OSBPL3: variants seen among roughly 807,000 people sequenced by gnomAD.
The protein encoded by OSBPL3 is oxysterol binding protein like 3, also known as oxysterol-binding protein-related protein 3.
In OSBPL3, 65 loss-of-function variants were observed where a neutral mutation model predicts 120.1. That is an observed-to-expected ratio of 0.54 (90% CI 0.44 to 0.67). The LOEUF (loss-of-function observed/expected upper bound fraction) is 0.67, where lower values mean the gene tolerates loss of function less well. OSBPL3 is among the 30% of genes least tolerant of loss of function. The pLI, the probability that OSBPL3 is intolerant of heterozygous loss-of-function variation, is 0.00. For missense variants in OSBPL3, 1,004 were observed against 1,082.1 expected (o/e 0.93, Z 1.01); for synonymous variants, 416 against 402.6 (o/e 1.03, Z -0.40).
chr7:24,973,737 G>T (rs991490861), intron 1 of OSBPL3, among the ~76,000 whole-genome samples: 1 of 152,152 alleles, frequency 6.6e-6, no homozygotes, highest in Non-Finnish European at 1.5e-5. Context: ...ACAAGCTTCT[G>T]CAAAGAAGCA....
intron 14 of OSBPL3, among the ~76,000 whole-genome samples, chr7:24,839,492 G>A (rs768246297): frequency 3.9e-5 from 6 of 152,094 alleles, no homozygotes; most frequent in Non-Finnish European, 8.8e-5. Context: ...GTCATCTTAG[G>A]ATACCCTGAT....
rs1312989493 is a variant in OSBPL3 at position 24,916,490 on chromosome 7, G to A, written c.-149-23869C>T. 6.6e-6 allele frequency among the ~76,000 whole-genome samples: 1 copy of A among 151,908 alleles called. No homozygotes were observed. The highest frequency in any genetic ancestry group is 1.5e-5 in the Non-Finnish European group (1 of 67,992). On this transcript the variant is annotated intron_variant, in intron 1 of 22. Transcript: ENST00000313367. The surrounding 1 kb of genome is among the most constrained non-coding windows in gnomAD (Gnocchi z 4.9). The stretch of plus-strand genomic sequence containing the variant: ...ACATCAGTGAAGTAAAAATAAAACA[G>A]CAATTACCTTTCTGGCTTGCATGGT...
intron 1 of OSBPL3, among the ~76,000 whole-genome samples, chr7:24,907,037 C>G (rs1049429968): frequency 6.6e-6 from 1 of 152,132 alleles, no homozygotes; most frequent in East Asian, 1.9e-4. Flanking sequence ...ATTAATCCAA[C>G]CAAACTCCCT....
intron 1 of OSBPL3, among the ~76,000 whole-genome samples, chr7:24,976,132 T>G (rs571548569): frequency 6.6e-6 from 1 of 152,292 alleles, no homozygotes; most frequent in South Asian, 2.1e-4. Flanking sequence ...GTTGTGAACT[T>G]AACTTTTCCT....
Position 24,894,449 on chromosome 7 carries a change from T to G in OSBPL3, c.-149-1828A>C, listed in dbSNP as rs1304112267. On this transcript the variant is annotated intron_variant, in intron 1 of 22. Coordinates refer to ENST00000313367, the MANE Select transcript of OSBPL3 (RefSeq NM_015550.4). The surrounding 1 kb of genome is among the most constrained non-coding windows in gnomAD (Gnocchi z 4.1). ...TCTAAAAAGTAGCAAGAGAGTACTGTAAAGATATATTAATAGTTTGTGGAA... is the reference window on the plus strand; with the variant it reads ...TCTAAAAAGTAGCAAGAGAGTACTGGAAAGATATATTAATAGTTTGTGGAA... 6.6e-6 allele frequency among the ~76,000 whole-genome samples: 1 copy of G among 152,020 alleles called. No homozygotes were observed. The highest frequency in any genetic ancestry group is 2.4e-5 in the African/African-American group (1 of 41,376).
At chr7:24,866,846 G>C (rs537411735) in intron 5 of OSBPL3, among the ~76,000 whole-genome samples, 1 of 152,330 alleles carries the variant, frequency 6.6e-6, no homozygotes, top group South Asian at 2.1e-4. Flanking sequence ...TTGTTGCCCA[G>C]GCTGCAGTGC....
At chr7:24,841,363 G>A in intron 13 of OSBPL3, among the ~76,000 whole-genome samples, 1 of 151,350 alleles carries the variant, frequency 6.6e-6, no homozygotes, top group East Asian at 1.9e-4. Context: ...AAAATATACG[G>A]GATGCTAATT....
rs1255401732 is a variant in OSBPL3, at chr7:24,798,362, T to C, written c.*1821A>G. 1 of 152,198 alleles carries C rather than the reference T, an allele frequency of 6.6e-6. No individual in the cohort carries two copies. The highest frequency in any genetic ancestry group is 1.9e-4 in the East Asian group (1 of 5,200). 9.4% of individuals were successfully genotyped at this position (152,198 alleles called of 1,614,324 possible). A position where few individuals can be genotyped will look rare whatever the true frequency, so the allele number is the denominator to read the frequency against. The stretch of plus-strand genomic sequence containing the variant: ...TTATCCTCACACTGTGGAAACTACA[T>C]TTGTTTTCCCCTTGAGTGCCCTTAA... On this transcript the variant is annotated 3_prime_UTR_variant, in exon 23 of 23. Coordinates refer to ENST00000313367, the MANE Select transcript of OSBPL3 (RefSeq NM_015550.4). This position sits in a 1 kb window ranked among gnomAD's most constrained non-coding sequence, Gnocchi z 4.6.
intron 10 of OSBPL3, among the ~76,000 whole-genome samples, chr7:24,858,476 T>C (rs545188650): frequency 6.6e-6 from 1 of 152,306 alleles, no homozygotes; most frequent in African/African-American, 2.4e-5. Flanking sequence ...GGCCCCCAAA[T>C]TACAATCTGT....
rs1225932221 is a variant in OSBPL3, at chr7:24,922,011, G to A, written c.-149-29390C>T. On this transcript the variant is annotated intron_variant, in intron 1 of 22. Coordinates refer to ENST00000313367, the MANE Select transcript of OSBPL3 (RefSeq NM_015550.4). The surrounding 1 kb of genome is among the most constrained non-coding windows in gnomAD (Gnocchi z 4.3). ...ATTTTTCACCACCTTTATGTCTCACGTCCAGCCAAGAGGCTGGTACACAGC... is the reference window on the plus strand; with the variant it reads ...ATTTTTCACCACCTTTATGTCTCACATCCAGCCAAGAGGCTGGTACACAGC... 2.6e-5 allele frequency among the ~76,000 whole-genome samples: 4 copies of A among 152,104 alleles called. No individual in the cohort carries two copies. Among genetic ancestry groups the A allele is most frequent in the Admixed American group, 6.6e-5 (1 of 15,260 alleles).
chr7:24,895,566 G>C (rs555990698), intron 1 of OSBPL3, among the ~76,000 whole-genome samples: 47 of 152,328 alleles, frequency 3.1e-4, no homozygotes, highest in African/African-American at 1.1e-3. Context: ...GGCAGCTGTA[G>C]CCCAAGACTA....
At chr7:24,927,963 C>T (rs1444163689) in intron 1 of OSBPL3, among the ~76,000 whole-genome samples, 2 of 152,074 alleles carry the variant, frequency 1.3e-5, no homozygotes, top group South Asian at 2.1e-4. Flanking sequence ...GTGATTGGAT[C>T]ATGGAGATAA....
rs148004132 is a variant in OSBPL3 at position 24,908,558 on chromosome 7, C to T, written c.-149-15937G>A. Among the ~76,000 whole-genome samples the T allele has an allele frequency of 3.3e-5, 5 of 152,340 alleles. No homozygotes were observed. In the East Asian group the frequency reaches 7.7e-4, roughly 24 times the overall value. On this transcript the variant is annotated intron_variant, in intron 1 of 22. Coordinates refer to ENST00000313367, the MANE Select transcript of OSBPL3 (RefSeq NM_015550.4). ...CCAAGACTGCTTCTTTACAGTAAAACATCCCCTTCTAAAATCATATTCTAG... is the reference window on the plus strand; with the variant it reads ...CCAAGACTGCTTCTTTACAGTAAAATATCCCCTTCTAAAATCATATTCTAG...
Position 24,863,603 on chromosome 7 carries a change from T to G in OSBPL3, c.674-4A>C, listed in dbSNP as rs1394054205. ...TAGGCATGACAGTGCGCCAGGTCTG[T>G]GGGGGAAAAGAGGACAGTGCTCACA... is the stretch of plus-strand genomic sequence containing the variant. On this transcript the variant is annotated splice_region_variant and splice_polypyrimidine_tract_variant and intron_variant, in intron 7 of 22. Coordinates refer to ENST00000313367, the MANE Select transcript of OSBPL3 (RefSeq NM_015550.4). The surrounding 1 kb of genome is among the most constrained non-coding windows in gnomAD (Gnocchi z 5.8). 1.9e-6 allele frequency: 3 copies of G among 1,604,112 alleles called. No individual in the cohort carries two copies. Among genetic ancestry groups the G allele is most frequent in the Non-Finnish European group, 2.6e-6 (3 of 1,170,954 alleles).
intron 5 of OSBPL3, among the ~76,000 whole-genome samples, chr7:24,869,496 G>C (rs567393314): frequency 6.6e-6 from 1 of 152,266 alleles, no homozygotes; most frequent in Admixed American, 6.5e-5. Context: ...AGCCAGGGGT[G>C]ATTTTATCCT....
rs1232593601 is a variant in OSBPL3 at position 24,808,693 on chromosome 7, C to T, written c.2317+1114G>A. Among the ~76,000 whole-genome samples, 4 of 152,212 alleles carry T rather than the reference C, an allele frequency of 2.6e-5. No individual in the cohort carries two copies. The highest frequency in any genetic ancestry group is 9.6e-5 in the African/African-American group (4 of 41,456). On this transcript the variant is annotated intron_variant, in intron 20 of 22. Transcript: ENST00000313367. The surrounding 1 kb of genome is among the most constrained non-coding windows in gnomAD (Gnocchi z 4.6). ...CTCTTTCTTGCTTGCTAACAGAATA[C>T]TGATTCTGTTCAAATGGCATTGTGC... is the stretch of plus-strand genomic sequence containing the variant.
chr7:24,906,043 A>G (rs977687588), intron 1 of OSBPL3: 1 of 152,820 alleles, frequency 6.5e-6, no homozygotes, highest in African/African-American at 2.4e-5. Flanking sequence ...GAAAACACCC[A>G]GAGTCACAGC....
At position 24,796,548 on chromosome 7, in the gene OSBPL3, CAT is replaced by C. The variant is rs1231053712; in HGVS notation, c.*3633_*3634del. On this transcript the variant is annotated 3_prime_UTR_variant, in exon 23 of 23. Transcript: ENST00000313367. This position sits in a 1 kb window ranked among gnomAD's most constrained non-coding sequence, Gnocchi z 5.2. Reference sequence around the variant, plus strand: ...CAAAGACAAAAGTGGCCTTTTTTTCCATGTTATTTATTCACATTCAACTAGCT... The same window carrying C: ...CAAAGACAAAAGTGGCCTTTTTTTCCGTTATTTATTCACATTCAACTAGCT... 1 of 151,942 alleles carries C rather than the reference CAT, an allele frequency of 6.6e-6. No individual in the cohort carries two copies. The highest frequency in any genetic ancestry group is 6.5e-5 in the Admixed American group (1 of 15,272). 9.4% of individuals were successfully genotyped at this position (151,942 alleles called of 1,614,324 possible). A position where few individuals can be genotyped will look rare whatever the true frequency, so the allele number is the denominator to read the frequency against.
At chr7:24,800,369 A>C in intron 22 of OSBPL3, 90 bp from the exon 23 acceptor site, 4 of 701,148 alleles carry the variant, frequency 5.7e-6, no homozygotes, top group African/African-American at 1.9e-5. Context: ...TGCTTTCCCC[A>C]TCCTCATTCC....
Sources: allele counts gnomAD v4.1 joint callset (sites outside exome capture counted in the v4.1 genomes callset), GRCh38; gene constraint gnomAD v4.1.1; non-coding constraint Gnocchi (gnomAD v3.1); transcripts MANE v1.5; gene names NCBI Gene and HGNC (gene_info 2026-07-23, HGNC 2026-07-21).